PTPRG: variants seen among roughly 807,000 people sequenced by gnomAD.
PTPRG encodes the protein protein tyrosine phosphatase receptor type G.
A neutral mutation model predicts 165.3 loss-of-function variants in PTPRG; 102 were observed. The ratio of observed to expected loss-of-function variants is 0.62; its 90% CI spans 0.53 to 0.73. PTPRG has a LOEUF of 0.73. PTPRG is among the 30% of genes least tolerant of loss of function. The probability of loss-of-function intolerance (pLI) is 0.00; values close to 1 mark genes in which losing one functional copy is unlikely to be tolerated. For missense variants in PTPRG, 1,866 were observed against 1,861.4 expected, an observed-to-expected ratio of 1.00 and a Z score of -0.05; for synonymous variants, 675 against 669.5, an observed-to-expected ratio of 1.01 and a Z score of -0.13.
At chr3:62,102,062 C>G (rs1338104341) in intron 5 of PTPRG, among the ~76,000 whole-genome samples, 1 of 152,004 alleles carries the variant, frequency 6.6e-6, no homozygotes, top group African/African-American at 2.4e-5. Flanking sequence ...GTATCTTCCC[C>G]TATTGTTACC....
chr3:61,907,323 C>G (rs758872416), intron 2 of PTPRG, among the ~76,000 whole-genome samples: 1 of 152,154 alleles, frequency 6.6e-6, no homozygotes, highest in African/African-American at 2.4e-5. Flanking sequence ...TCCAAAGGCA[C>G]ATGGTCTCTC....
rs1043532202 is a variant in PTPRG at position 62,228,019 on chromosome 3, G to A, written c.2289-3206G>A. 6.6e-6 allele frequency among the ~76,000 whole-genome samples: 1 copy of A among 152,164 alleles called. No homozygotes were observed. Among genetic ancestry groups the A allele is most frequent in the Admixed American group, 6.5e-5 (1 of 15,272 alleles). ...ATTTTTGAGAGGCTCTCCCTTGCCA[G>A]TTTGCCAGTCTCTGCCCTCCCCGCT... is the stretch of plus-strand genomic sequence containing the variant. On this transcript the variant is annotated intron_variant, in intron 13 of 29. Transcript: ENST00000474889. This position sits in a 1 kb window ranked among gnomAD's most constrained non-coding sequence, Gnocchi z 4.1.
intron 4 of PTPRG, among the ~76,000 whole-genome samples, chr3:62,021,088 C>T (rs1453152793): frequency 6.6e-6 from 1 of 151,988 alleles, no homozygotes; most frequent in African/African-American, 2.4e-5. Context: ...TGAACTTGTT[C>T]CCTCATCAGT....
rs1026005264 is a variant in PTPRG at position 62,186,847 on chromosome 3, G to A, written c.1034-4622G>A. Among the ~76,000 whole-genome samples the A allele has an allele frequency of 7.2e-5, 11 of 152,190 alleles. No individual in the cohort carries two copies. In the East Asian group the frequency reaches 1.7e-3, roughly 24 times the overall value. ...CTCCCAAAGTGTTAGGATTACAGGC[G>A]TGAGCCACCACGCCTGTCCTTGAAG... On this transcript the variant is annotated intron_variant, in intron 8 of 29. Coordinates refer to ENST00000474889, the MANE Select transcript of PTPRG (RefSeq NM_002841.4).
At position 62,073,115 on chromosome 3, in the gene PTPRG, T is replaced by C. The variant is rs139123985; in HGVS notation, c.520-5048T>C. ...GATATCTGATAATGGATTGAATAAA[T>C]AGAAACAAAAATAAACAAGTCCATA... is the stretch of plus-strand genomic sequence containing the variant. On this transcript the variant is annotated intron_variant, in intron 4 of 29. Transcript: ENST00000474889. Among the ~76,000 whole-genome samples the C allele has an allele frequency of 1.5e-3, 225 of 152,076 alleles. 4 individuals carry two copies. Among genetic ancestry groups the C allele is most frequent in the South Asian group, 0.012 (56 of 4,820 alleles).
intron 7 of PTPRG, among the ~76,000 whole-genome samples, chr3:62,161,112 T>C (rs1508405): frequency 0.97 from 148,055 of 152,094 alleles, 72,182 homozygotes; most frequent in South Asian, 1. Flanking sequence ...ATGATAATAC[T>C]CCCCTCATGG....
chr3:62,275,514 C>T (rs1702201888), intron 23 of PTPRG, among the ~76,000 whole-genome samples: 1 of 152,112 alleles, frequency 6.6e-6, no homozygotes, highest in Non-Finnish European at 1.5e-5. Context: ...TAGGAAAGCA[C>T]AAGAGTGTTC....
At chr3:61,737,432 C>G (rs1243427866) in intron 1 of PTPRG, among the ~76,000 whole-genome samples, 1 of 152,160 alleles carries the variant, frequency 6.6e-6, no homozygotes, top group African/African-American at 2.4e-5. Flanking sequence ...TCTTACCAAA[C>G]TTCCTAGAAA....
intron 2 of PTPRG, among the ~76,000 whole-genome samples, chr3:61,878,571 G>C (rs2037805117): frequency 6.6e-6 from 1 of 152,146 alleles, no homozygotes; most frequent in Non-Finnish European, 1.5e-5. Context: ...AGGGCTCACT[G>C]TAGCCTCAAC....
intron 2 of PTPRG, among the ~76,000 whole-genome samples, chr3:61,841,197 A>G (rs1237937704): frequency 6.6e-6 from 1 of 152,190 alleles, no homozygotes; most frequent in Non-Finnish European, 1.5e-5. Flanking sequence ...TACGCCAAAA[A>G]TGTTAAAGAG....
chr3:62,184,035 T>G (rs1705769744), intron 8 of PTPRG, among the ~76,000 whole-genome samples: 2 of 152,200 alleles, frequency 1.3e-5, no homozygotes, highest in Non-Finnish European at 1.5e-5. Context: ...TGGGATTCAG[T>G]TCTCCATTCT....
chr3:62,246,945 G>A (rs1701300823), intron 15 of PTPRG, among the ~76,000 whole-genome samples: 5 of 151,924 alleles, frequency 3.3e-5, no homozygotes, highest in Admixed American at 2.6e-4. Context: ...TCATTATACT[G>A]GCTAAAAATA....
At chr3:61,903,398 G>C (rs1169599437) in intron 2 of PTPRG, among the ~76,000 whole-genome samples, 1 of 152,180 alleles carries the variant, frequency 6.6e-6, no homozygotes, top group East Asian at 1.9e-4. Context: ...TTTTGAGACG[G>C]AGTCTTGTTC....
intron 1 of PTPRG, among the ~76,000 whole-genome samples, chr3:61,667,963 G>A (rs183959939): frequency 6.6e-5 from 10 of 152,182 alleles, no homozygotes; most frequent in Admixed American, 5.2e-4. Context: ...GTGTAGGGGT[G>A]GGAAAAAAGT....
chr3:62,141,062 T>C (rs190051210), intron 6 of PTPRG, among the ~76,000 whole-genome samples: 246 of 152,260 alleles, frequency 1.6e-3, no homozygotes, highest in Middle Eastern at 3.4e-3. Context: ...ATATTACACA[T>C]TAATTTCCCA....
At chr3:62,275,191 G>A (rs1325452390) in intron 23 of PTPRG, among the ~76,000 whole-genome samples, 5 of 152,126 alleles carry the variant, frequency 3.3e-5, no homozygotes, top group South Asian at 4.1e-4. Flanking sequence ...CTACTGGGCT[G>A]GTTACTTATA....
intron 2 of PTPRG, among the ~76,000 whole-genome samples, chr3:61,774,688 A>C (rs2034314556): frequency 6.6e-6 from 1 of 152,212 alleles, no homozygotes; most frequent in Non-Finnish European, 1.5e-5. Flanking sequence ...AATCGACTTG[A>C]GAGGAATGTT....
In PTPRG at chr3:62,255,218, AT is replaced by A. The variant is rs1701511494; in HGVS notation, c.2559+4del. 1 of 1,608,364 alleles carries A rather than the reference AT, an allele frequency of 6.2e-7. No individual in the cohort carries two copies. Among genetic ancestry groups the A allele is most frequent in the Non-Finnish European group, 8.5e-7 (1 of 1,176,308 alleles). The stretch of plus-strand genomic sequence containing the variant: ...ATGGGTTCTCTGAGGATTTTGAGGT[AT>A]GTTTCAAGGCTGGAAGTTAACTTCC... On this transcript the variant is annotated splice_donor_region_variant and intron_variant, in intron 16 of 29. Transcript: ENST00000474889. This position sits in a 1 kb window ranked among gnomAD's most constrained non-coding sequence, Gnocchi z 4.0.
At chr3:61,948,362 A>C (rs1375564597) in intron 2 of PTPRG, among the ~76,000 whole-genome samples, 1 of 152,016 alleles carries the variant, frequency 6.6e-6, no homozygotes, top group Non-Finnish European at 1.5e-5. Context: ...ACTGCTCATA[A>C]ATGCAGTCAT....
Sources: gnomAD v4.1 joint callset for allele counts (sites outside exome capture counted in the v4.1 genomes callset) on GRCh38, gnomAD v4.1.1 for gene constraint, Gnocchi (gnomAD v3.1) non-coding constraint, MANE v1.5 for transcripts, NCBI Gene and HGNC (gene_info 2026-07-23, HGNC 2026-07-21) for gene names.